Variants in LIN7B observed in about 807,000 individuals in gnomAD.
LIN7B encodes the protein lin-7 cell polarity scaffold B, also known as protein lin-7 homolog B.
Under a neutral mutation model 27.9 loss-of-function variants are expected in LIN7B, and 16 were observed. That is an observed-to-expected ratio of 0.57 (90% CI 0.39 to 0.87). The LOEUF is 0.87. Among genes scored for constraint, LIN7B ranks in the 40% least tolerant of loss-of-function variants. LIN7B has a pLI of 0.00. For missense variants in LIN7B, 291 were observed against 288.5 expected (o/e 1.01, Z -0.06); for synonymous variants, 147 against 120.8 (o/e 1.22, Z -1.42).
chr19:49,116,759 T>G (rs1440373403), intron 4 of LIN7B, among the ~76,000 whole-genome samples: 1 of 152,176 alleles, frequency 6.6e-6, no homozygotes, highest in East Asian at 1.9e-4. Flanking sequence ...CCAGCATAGA[T>G]ACAGGAAGGT....
At position 49,118,455 on chromosome 19, in the gene LIN7B, C is replaced by T. The variant is rs1276861180; in HGVS notation, c.*82C>T. On this transcript the variant is annotated 3_prime_UTR_variant, in exon 6 of 6. Coordinates refer to ENST00000221459, the MANE Select transcript of LIN7B (RefSeq NM_022165.3). Reference sequence around the variant, plus strand: ...TGGCACTTTATTTAAAGATATTTGACCCTCACTGAGTGTCTGTGTGTCTGT... The same window carrying T: ...TGGCACTTTATTTAAAGATATTTGATCCTCACTGAGTGTCTGTGTGTCTGT... 21 of 1,581,804 alleles carry T rather than the reference C, an allele frequency of 1.3e-5. No homozygotes were observed. The Admixed American group carries it at 3.2e-4, about 24-fold the overall frequency.
chr19:49,114,717 CG>C, intron 1 of LIN7B, 131 bp from the exon 2 acceptor site: 1 of 515,342 alleles, frequency 1.9e-6, no homozygotes, highest in Admixed American at 4.3e-5. Context: ...CTGGACTCTG[CG>C]GGGTGTCCGA....
chr19:49,114,920 G>A lies in LIN7B; in HGVS notation c.109G>A (p.Ala37Thr), dbSNP rs752780299. The A allele has an allele frequency of 7.5e-6, 11 of 1,471,244 alleles. No homozygotes were observed. In the Admixed American group the frequency reaches 1.6e-4, roughly 22 times the overall value. The allele number at this position is 1,471,244 out of a possible 1,614,324, so 91.1% of individuals were successfully genotyped here. Residue 37 changes from alanine to threonine, a missense_variant, in exon 2 of 6, where the codon GCC (alanine) becomes ACC (threonine). Physicochemically the swap from Ala to Thr is moderately conservative, Grantham distance 58 (BLOSUM62 0). Transcript: ENST00000221459. ...SGELPPQKLQ[A>T]LQRVLQSRFC... ...GGAGCTGCCGCCGCAGAAGCTGCAG[G>A]CCCTCCAGCGAGTTCTGCAGAGCCG...
At chr19:49,118,105 C>T in intron 5 of LIN7B, 87 bp downstream of exon 5, 11 of 1,559,012 alleles carry the variant, frequency 7.1e-6, no homozygotes, top group Non-Finnish European at 8.7e-6. Flanking sequence ...CTTCCTGGAT[C>T]TTCCAGCCCT....
intron 4 of LIN7B, among the ~76,000 whole-genome samples, chr19:49,116,967 T>TG (rs1051654711): frequency 2.0e-5 from 3 of 152,032 alleles, no homozygotes; most frequent in African/African-American, 7.2e-5. Flanking sequence ...GTGGTTAGGC[T>TG]GGGTGCGGTG....
At chr19:49,116,577 C>A in intron 4 of LIN7B, 105 bp downstream of exon 4, 1 of 1,077,814 alleles carries the variant, frequency 9.3e-7, no homozygotes, top group Non-Finnish European at 1.4e-6. Flanking sequence ...GTCTGTATGG[C>A]TAGCCCTGTG....
chr19:49,116,504 C>G (rs75408950), intron 4 of LIN7B, 32 bp downstream of exon 4: 1 of 1,586,144 alleles, frequency 6.3e-7, no homozygotes, highest in African/African-American at 1.3e-5. Flanking sequence ...GACTGGGGGA[C>G]ACAGTCTGTC....
chr19:49,114,788 C>G (rs1002139370), intron 1 of LIN7B, 61 bp from the exon 2 acceptor site: 5 of 1,040,508 alleles, frequency 4.8e-6, no homozygotes, highest in African/African-American at 1.7e-5. Flanking sequence ...GCTCTCCTTG[C>G]TTCTCTGCGT....
chr19:49,114,567 G>A (rs1294511305), intron 1 of LIN7B, 126 bp downstream of exon 1: 3 of 744,190 alleles, frequency 4.0e-6, no homozygotes, highest in Admixed American at 4.5e-5. Context: ...TGGGCGGGGC[G>A]GGCGCCGGGG....
At position 49,117,901 on chromosome 19, in the gene LIN7B, C is replaced by T. The variant is rs747454634; in HGVS notation, c.485C>T (p.Ala162Val). The T allele has an allele frequency of 1.9e-6, 3 of 1,611,654 alleles. No homozygotes were observed. The highest frequency in any genetic ancestry group is 1.3e-5 in the African/African-American group (1 of 74,150). ...GAGAAGGCGGTGGAGCTGCTGAAGG[C>T]GGCCCAGGGCTCGGTGAAGCTGGTT... The part of the protein sequence containing the change: ...QHEKAVELLK[A>V]AQGSVKLVVR... The change falls in exon 5 of 6, where the codon GCG becomes GTG. Residue 162 changes from alanine (A) to valine (V), a missense_variant. Physicochemically the swap from Ala to Val is moderately conservative, Grantham distance 64 (BLOSUM62 0). Coordinates refer to ENST00000221459, the MANE Select transcript of LIN7B (RefSeq NM_022165.3).
At chr19:49,114,772 T>C in intron 1 of LIN7B, 77 bp from the exon 2 acceptor site, 1 of 867,620 alleles carries the variant, frequency 1.2e-6, no homozygotes, top group Non-Finnish European at 1.6e-6. Context: ...TCGGCCTCAC[T>C]CCGCCGCTCT....
intron 4 of LIN7B, among the ~76,000 whole-genome samples, chr19:49,117,077 C>T (rs377074158): frequency 2.0e-4 from 31 of 151,970 alleles, no homozygotes; most frequent in African/African-American, 7.5e-4. Context: ...GAAATCCCAT[C>T]TCTACTAAAA....
At position 49,116,285 on chromosome 19, in the gene LIN7B, C is replaced by T. The variant is rs773111821; in HGVS notation, c.251C>T (p.Ala84Val). The T allele has an allele frequency of 1.2e-6, 2 of 1,613,556 alleles. No homozygotes were observed. The highest frequency in any genetic ancestry group is 3.3e-5 in the Admixed American group (2 of 60,004). Reference sequence around the variant, plus strand: ...CAGGCCACAGTGGCTGCCTTCACAGCCAGCGAGGGCCACGCACATCCCAGG... The same window carrying T: ...CAGGCCACAGTGGCTGCCTTCACAGTCAGCGAGGGCCACGCACATCCCAGG... ...TAKATVAAFT[A>V]SEGHAHPRVV... The change falls in exon 4 of 6, where the codon GCC (alanine) becomes GTC (valine). Residue 84 changes from alanine (A) to valine (V), a missense_variant. By Grantham distance (64) the Ala-to-Val change is moderately conservative. Transcript: ENST00000221459.
chr19:49,117,227 C>G (rs867191842), intron 4 of LIN7B, among the ~76,000 whole-genome samples: 2 of 123,756 alleles, frequency 1.6e-5, no homozygotes, highest in African/African-American at 6.4e-5. Context: ...GCGTGGGTGA[C>G]AGAGTGAGAC....
At chr19:49,117,712 G>C (rs903636356) in intron 4 of LIN7B, 143 bp from the exon 5 acceptor site, 10 of 689,242 alleles carry the variant, frequency 1.5e-5, no homozygotes, top group Non-Finnish European at 2.5e-6. Context: ...TGAACCAGGA[G>C]TTAATGACTC....
chr19:49,117,576 C>T (rs968289977), intron 4 of LIN7B, among the ~76,000 whole-genome samples: 3 of 151,924 alleles, frequency 2.0e-5, no homozygotes, highest in Non-Finnish European at 2.9e-5. Context: ...GGAGTCAAGG[C>T]GGGCGGACAT....
chr19:49,115,060 G>C, intron 2 of LIN7B, 93 bp downstream of exon 2: 1 of 979,388 alleles, frequency 1.0e-6, no homozygotes, highest in Non-Finnish European at 1.4e-6. Context: ...TACGCCTCCC[G>C]GCAGCTCCCG....
intron 2 of LIN7B, 102 bp from the exon 3 acceptor site, chr19:49,115,158 C>A: frequency 9.3e-7 from 1 of 1,072,756 alleles, no homozygotes; most frequent in Non-Finnish European, 1.3e-6. Flanking sequence ...GGGGGCGGGG[C>A]GGATCCTTGC....
chr19:49,118,395 C>T lies in LIN7B; in HGVS notation c.*22C>T. 1 of 1,613,360 alleles carries T rather than the reference C, an allele frequency of 6.2e-7. No homozygotes were observed. The highest frequency in any genetic ancestry group is 8.5e-7 in the Non-Finnish European group (1 of 1,179,300). On this transcript the variant is annotated 3_prime_UTR_variant, in exon 6 of 6. Coordinates refer to ENST00000221459, the MANE Select transcript of LIN7B (RefSeq NM_022165.3). ...TTGAAACCACAGATCTGGACGTTCACGTGCACTCTCTTCCTGTACAGTATT... is the reference window on the plus strand; with the variant it reads ...TTGAAACCACAGATCTGGACGTTCATGTGCACTCTCTTCCTGTACAGTATT...
Sources: allele counts gnomAD v4.1 joint callset (sites outside exome capture counted in the v4.1 genomes callset), GRCh38; gene constraint gnomAD v4.1.1; transcripts MANE v1.5; gene names NCBI Gene and HGNC (gene_info 2026-07-23, HGNC 2026-07-21).